The following NEXMIF variants were observed in gnomAD, a reference collection of about 807,000 sequenced individuals.
NEXMIF encodes the protein neurite extension and migration factor, also known as XLMR protein related to neurite extension.
NEXMIF carries 8 observed loss-of-function variants against 62.1 expected under a neutral mutation model. The observed-to-expected ratio is 0.13, with a 90% CI of 0.08 to 0.23. The LOEUF (loss-of-function observed/expected upper bound fraction) is 0.23, where lower values mean the gene tolerates loss of function less well. NEXMIF is among the 10% of genes least tolerant of loss of function. The pLI is 1.00. For synonymous variants in NEXMIF, 404 were observed against 416.6 expected (o/e 0.97, Z 0.37); for missense variants, 976 against 1,113.3 (o/e 0.88, Z 1.75).
intron 1 of NEXMIF, among the ~76,000 whole-genome samples, chrX:74,864,309 A>G (rs995220682): frequency 2.7e-5 from 3 of 111,868 alleles, no homozygotes; most frequent in Non-Finnish European, 5.6e-5. Context: ...AAATGACATG[A>G]TTCTATATCT....
chrX:74,911,629 T>A lies in NEXMIF; in HGVS notation c.-48+13254A>T, dbSNP rs147346066. Among the ~76,000 whole-genome samples the A allele has an allele frequency of 2.2e-3, 243 of 112,413 alleles. 1 individual carries two copies. In the East Asian group the frequency reaches 0.052, roughly 24 times the overall value. On this transcript the variant is annotated intron_variant, in intron 1 of 3. Coordinates refer to ENST00000055682, the MANE Select transcript of NEXMIF (RefSeq NM_001008537.3). ...TTATAAAGCATGTTTATTTTCTCTT[T>A]ACAGCCTAACTCTGAAACTGCTTCT...
chrX:74,862,810 T>A (rs909465288), intron 1 of NEXMIF, among the ~76,000 whole-genome samples: 1 of 110,999 alleles, frequency 9.0e-6, no homozygotes, highest in African/African-American at 3.3e-5. Flanking sequence ...AGATAACATA[T>A]CAGAATCTCT....
At position 74,800,216 on chromosome X, in the gene NEXMIF, G is replaced by C. The variant is rs1187563494; in HGVS notation, c.-47-54519C>G. ...GGGAAACTCCCTTCTTTCTGGGCCT[G>C]TTTCTCCCTCTGTAAAGTGAGGGTG... On this transcript the variant is annotated intron_variant, in intron 1 of 3. Transcript: ENST00000055682. 2.7e-5 allele frequency among the ~76,000 whole-genome samples: 3 copies of C among 111,444 alleles called. No individual in the cohort carries two copies. In the East Asian group the frequency reaches 8.5e-4, roughly 32 times the overall value.
chrX:74,739,462 G>A lies in NEXMIF; in HGVS notation c.4494C>T (p.Thr1498=), dbSNP rs772871215. 2.2e-5 allele frequency: 26 copies of A among 1,197,039 alleles called. No individual in the cohort carries two copies. In the Admixed American group the frequency reaches 5.5e-4, roughly 25 times the overall value. ...SDYNLLKAET[T]FWVLPVFEEE... ...CTTCAAACACAGGTAAAACCCAAAA[G>A]GTTGTTTCTGCTTTTAGGAGATTGT... Residue 1498 remains threonine, a synonymous_variant, in exon 4 of 4, where the codon ACC becomes ACT. Coordinates refer to ENST00000055682, the MANE Select transcript of NEXMIF (RefSeq NM_001008537.3).
At chrX:74,851,262 T>A (rs1024872981) in intron 1 of NEXMIF, among the ~76,000 whole-genome samples, 2 of 111,394 alleles carry the variant, frequency 1.8e-5, no homozygotes, top group Non-Finnish European at 3.8e-5. Flanking sequence ...ACCTTCAGTG[T>A]TCCAAAAGGT....
Position 74,743,689 on chromosome X carries a change from C to T in NEXMIF, c.868G>A (p.Asp290Asn). The change falls in exon 3 of 4, where the codon GAT becomes AAT. Residue 290 changes from aspartate to asparagine, a missense_variant. By Grantham distance (23) the Asp-to-Asn change is conservative (BLOSUM62 1). Coordinates refer to ENST00000055682, the MANE Select transcript of NEXMIF (RefSeq NM_001008537.3). ...TCATCAAACATGTAGTTATCCACAT[C>T]TTCTTCAGAGAATAGGTTGACAGAC... ...ELSVNLFSEE[D>N]VDNYMFDDDE... 1 of 1,211,591 alleles carries T rather than the reference C, an allele frequency of 8.3e-7. No individual in the cohort carries two copies. The highest frequency in any genetic ancestry group is 1.1e-6 in the Non-Finnish European group (1 of 895,253).
chrX:74,807,450 A>G (rs1278756477), intron 1 of NEXMIF, among the ~76,000 whole-genome samples: 1 of 110,361 alleles, frequency 9.1e-6, no homozygotes, highest in African/African-American at 3.3e-5. Flanking sequence ...GACTATAGGC[A>G]TATGCTACAG....
chrX:74,771,233 C>T (rs755137941), intron 1 of NEXMIF, among the ~76,000 whole-genome samples: 1 of 111,214 alleles, frequency 9.0e-6, no homozygotes, highest in Admixed American at 9.7e-5. Context: ...CATGACTGGT[C>T]GCGATCTTCA....
At chrX:74,781,929 A>G (rs1156373100) in intron 1 of NEXMIF, among the ~76,000 whole-genome samples, 1 of 112,540 alleles carries the variant, frequency 8.9e-6, no homozygotes, top group East Asian at 2.8e-4. Flanking sequence ...AATATTTGAT[A>G]TTCTGGAGGA....
At chrX:74,853,782 T>A (rs1316813846) in intron 1 of NEXMIF, among the ~76,000 whole-genome samples, 3 of 111,053 alleles carry the variant, frequency 2.7e-5, no homozygotes, top group Non-Finnish European at 5.7e-5. Flanking sequence ...ATATAAAAGA[T>A]CATCAGAGCC....
chrX:74,796,170 AT>A (rs1224420998), intron 1 of NEXMIF, among the ~76,000 whole-genome samples: 31 of 73,956 alleles, frequency 4.2e-4, no homozygotes, highest in Admixed American at 6.1e-4. Flanking sequence ...TATTATATAT[AT>A]TATATATATA....
At chrX:74,920,370 T>C (rs2080822482) in intron 1 of NEXMIF, among the ~76,000 whole-genome samples, 1 of 112,555 alleles carries the variant, frequency 8.9e-6, no homozygotes, top group Non-Finnish European at 1.9e-5. Context: ...ATTTCTCTGA[T>C]GGCCAGTGAT....
chrX:74,868,499 C>T, intron 1 of NEXMIF, among the ~76,000 whole-genome samples: 1 of 110,145 alleles, frequency 9.1e-6, no homozygotes, highest in South Asian at 3.9e-4. Flanking sequence ...AGCTGGAAGC[C>T]ATTATCTTCA....
At chrX:74,871,886 C>T (rs932309734) in intron 1 of NEXMIF, among the ~76,000 whole-genome samples, 31 of 111,582 alleles carry the variant, frequency 2.8e-4, no homozygotes, top group African/African-American at 9.4e-4. Flanking sequence ...TTGAAACACA[C>T]ATTTTACAAA....
chrX:74,740,510 C>T lies in NEXMIF; in HGVS notation c.4047G>A (p.Gly1349=), dbSNP rs2080098899. The change falls in exon 3 of 4, where the codon GGG becomes GGA. Residue 1349 remains glycine, a synonymous_variant. Coordinates refer to ENST00000055682, the MANE Select transcript of NEXMIF (RefSeq NM_001008537.3). ...EPLWEPMEHH[G]DPNIFYSPES... is the part of the protein sequence containing the mutation. ...CAGGGGAGTAGAATATGTTGGGATC[C>T]CCATGGTGCTCCATGGGTTCCCAAA... 2.5e-6 allele frequency: 3 copies of T among 1,211,282 alleles called. No individual in the cohort carries two copies. In the South Asian group the frequency reaches 5.3e-5, roughly 21 times the overall value.
At chrX:74,882,223 C>T (rs892760610) in intron 1 of NEXMIF, among the ~76,000 whole-genome samples, 92 of 112,130 alleles carry the variant, frequency 8.2e-4, no homozygotes, top group African/African-American at 2.7e-3. Flanking sequence ...GCGTGAGCGA[C>T]GCAGAAGATG....
At chrX:74,792,693 C>T (rs2080288998) in intron 1 of NEXMIF, among the ~76,000 whole-genome samples, 1 of 77,865 alleles carries the variant, frequency 1.3e-5, no homozygotes, top group East Asian at 4.2e-4. Flanking sequence ...GGATAGTTAG[C>T]TCTTCTTGTT....
intron 1 of NEXMIF, among the ~76,000 whole-genome samples, chrX:74,909,977 T>G: frequency 8.9e-6 from 1 of 112,567 alleles, no homozygotes. Flanking sequence ...TGCATGGAAA[T>G]GCTGGATGCC....
chrX:74,787,552 T>C (rs2080265109), intron 1 of NEXMIF, among the ~76,000 whole-genome samples: 1 of 112,028 alleles, frequency 8.9e-6, no homozygotes, highest in Admixed American at 9.5e-5. Flanking sequence ...ATGTGTCACA[T>C]GACAGATGCC....
Sources: gnomAD v4.1 joint callset for allele counts (sites outside exome capture counted in the v4.1 genomes callset) on GRCh38, gnomAD v4.1.1 for gene constraint, MANE v1.5 for transcripts, NCBI Gene and HGNC (gene_info 2026-07-23, HGNC 2026-07-21) for gene names.